The following TENM1 variants were observed in gnomAD, a reference collection of about 807,000 sequenced individuals.
The protein encoded by TENM1 is teneurin-1.
Under a neutral mutation model 174.8 loss-of-function variants are expected in TENM1, and 35 were observed. That is an observed-to-expected ratio of 0.20 (90% CI 0.15 to 0.27). TENM1 has a LOEUF of 0.27. Ranked by LOEUF, TENM1 falls within the 10% of genes least tolerant of loss-of-function variation. TENM1 has a pLI of 1.00. For synonymous variants in TENM1, 781 were observed against 798.7 expected (o/e 0.98, Z 0.37); for missense variants, 1,633 against 2,130.1 (o/e 0.77, Z 4.59).
intron 18 of TENM1, among the ~76,000 whole-genome samples, chrX:124,519,340 A>T (rs778666249): frequency 1.2e-3 from 131 of 111,562 alleles, no homozygotes; most frequent in African/African-American, 4.1e-3. Flanking sequence ...AGTCCAACAC[A>T]AATGAGTTAA....
intron 3 of TENM1, among the ~76,000 whole-genome samples, chrX:124,821,048 T>C (rs2056026409): frequency 8.9e-6 from 1 of 112,497 alleles, no homozygotes; most frequent in South Asian, 3.7e-4. Context: ...AATATGCTCT[T>C]ATTTCCTTCT....
intron 3 of TENM1, among the ~76,000 whole-genome samples, chrX:124,837,479 C>A (rs1434825538): frequency 6.2e-5 from 7 of 112,303 alleles, no homozygotes; most frequent in African/African-American, 1.9e-4. Context: ...CACTTTAAGG[C>A]AATTATGTCT....
rs373300826 is a variant in TENM1 at position 124,699,342 on chromosome X, G to C, written c.1015+5671C>G. The stretch of plus-strand genomic sequence containing the variant: ...CAGTCCCCCTTTATTATGCCTACCA[G>C]TAGATCTTTATCTATTTCACAGAGT... On this transcript the variant is annotated intron_variant, in intron 5 of 31. Transcript: ENST00000422452. Among the ~76,000 whole-genome samples, 122 of 110,685 alleles carry C rather than the reference G, an allele frequency of 1.1e-3. 1 individual carries two copies. Among genetic ancestry groups the C allele is most frequent in the African/African-American group, 3.7e-3 (114 of 30,578 alleles).
At chrX:124,751,597 C>T (rs191694414) in intron 3 of TENM1, among the ~76,000 whole-genome samples, 35 of 106,501 alleles carry the variant, frequency 3.3e-4, no homozygotes, top group African/African-American at 1.2e-3. Flanking sequence ...CCCACTAACT[C>T]GTCATTTAGC....
chrX:124,411,746 A>T (rs1247436219), intron 25 of TENM1: 1 of 112,340 alleles, frequency 8.9e-6, no homozygotes, highest in Non-Finnish European at 1.9e-5. Context: ...CTTTGGAAAG[A>T]TTGCTCAAAG....
At chrX:124,474,800 C>A (rs2061370103) in intron 22 of TENM1, among the ~76,000 whole-genome samples, 1 of 111,740 alleles carries the variant, frequency 8.9e-6, no homozygotes, top group African/African-American at 3.3e-5. Flanking sequence ...ACAGGTTAAC[C>A]TCTAATTCTG....
chrX:125,170,632 G>A, the TENM1 span, among the ~76,000 whole-genome samples: 54,205 of 109,645 alleles, frequency 0.49, 9,826 homozygotes, highest in Admixed American at 0.57. Context: ...GAAAATAATT[G>A]CGCAAGTTCC....
chrX:125,198,113 A>C, the TENM1 span, among the ~76,000 whole-genome samples: 1 of 112,172 alleles, frequency 8.9e-6, no homozygotes, highest in African/African-American at 3.2e-5. Context: ...CTCATTGTTG[A>C]CTACTTATTA....
chrX:124,411,546 C>T (rs1400704819), intron 25 of TENM1, among the ~76,000 whole-genome samples: 1 of 111,720 alleles, frequency 9.0e-6, no homozygotes, highest in Non-Finnish European at 1.9e-5. Context: ...CCAACTCCAA[C>T]ACACTCACAT....
At chrX:125,058,912 A>G in the TENM1 span, among the ~76,000 whole-genome samples, 1 of 110,507 alleles carries the variant, frequency 9.0e-6, no homozygotes, top group Non-Finnish European at 1.9e-5. Flanking sequence ...AAAGTATAAA[A>G]TTCAATGGTT....
In TENM1 at chrX:124,645,134, G is replaced by C; in HGVS notation, c.1876+9C>G. 1 of 1,204,985 alleles carries C rather than the reference G, an allele frequency of 8.3e-7. No homozygotes were observed. The highest frequency in any genetic ancestry group is 1.1e-6 in the Non-Finnish European group (1 of 890,647). On this transcript the variant is annotated intron_variant, in intron 10 of 31. Transcript: ENST00000422452. The stretch of plus-strand genomic sequence containing the variant: ...AGCCTGAAGCAATAGATTAAAATGG[G>C]ATTCTGACCTTCCTCGCATATTTCT...
rs766060180 is a variant in TENM1, at chrX:124,865,515, T to G, written c.535+28781A>C. Among the ~76,000 whole-genome samples, 7 of 111,333 alleles carry G rather than the reference T, an allele frequency of 6.3e-5. No homozygotes were observed. In the South Asian group the frequency reaches 2.2e-3, roughly 36 times the overall value. ...GTAACCTCAAACCAAAAACATACAA[T>G]GAATACACAAAAAATGAAAAGCAAG... On this transcript the variant is annotated intron_variant, in intron 3 of 31. Transcript: ENST00000422452.
intron 25 of TENM1, among the ~76,000 whole-genome samples, chrX:124,417,339 T>C (rs1204888729): frequency 9.0e-6 from 1 of 110,977 alleles, no homozygotes; most frequent in Non-Finnish European, 1.9e-5. Context: ...GCCTCCCAAG[T>C]AGCTCGGATT....
chrX:124,694,529 G>A (rs1298586652), intron 5 of TENM1, among the ~76,000 whole-genome samples: 4 of 111,715 alleles, frequency 3.6e-5, no homozygotes, highest in Non-Finnish European at 5.6e-5. Context: ...ATAAGGGAAT[G>A]GAGAGATTTG....
At chrX:124,962,299 A>G (rs2058665827) in intron 1 of TENM1, among the ~76,000 whole-genome samples, 1 of 111,454 alleles carries the variant, frequency 9.0e-6, no homozygotes, top group African/African-American at 3.3e-5. Context: ...TCAAGCAGTA[A>G]TCTTCAATCT....
chrX:124,879,779 C>A (rs1423568487), intron 3 of TENM1, among the ~76,000 whole-genome samples: 1 of 112,218 alleles, frequency 8.9e-6, no homozygotes. Context: ...TTGTCAGCAT[C>A]TGCTATTTTT....
intron 20 of TENM1, among the ~76,000 whole-genome samples, chrX:124,488,660 A>G (rs1602523934): frequency 1.8e-5 from 2 of 112,282 alleles, no homozygotes; most frequent in East Asian, 5.6e-4. Context: ...CCTTGTCTCT[A>G]GACACTTGCC....
intron 1 of TENM1, among the ~76,000 whole-genome samples, chrX:124,954,147 T>C (rs772320078): frequency 5.3e-5 from 6 of 112,245 alleles, no homozygotes; most frequent in South Asian, 3.7e-4. Flanking sequence ...TTTAAGAATA[T>C]ATATAGCAAA....
rs1303711613 is a variant in TENM1 at position 124,512,122 on chromosome X, T to C, written c.3301+8395A>G. The stretch of plus-strand genomic sequence containing the variant: ...AATAAAGACGAGGCAGAATGCATTA[T>C]TACATATTGATAATGTATGCAGACA... On this transcript the variant is annotated intron_variant, in intron 18 of 31. Coordinates refer to ENST00000422452, the Ensembl canonical transcript of TENM1. 2.7e-5 allele frequency among the ~76,000 whole-genome samples: 3 copies of C among 111,739 alleles called. No individual in the cohort carries two copies. In the East Asian group the frequency reaches 8.4e-4, roughly 31 times the overall value.
Sources: gnomAD v4.1 joint callset for allele counts (sites outside exome capture counted in the v4.1 genomes callset) on GRCh38, gnomAD v4.1.1 for gene constraint, MANE v1.5 for transcripts, NCBI Gene and HGNC (gene_info 2026-07-23, HGNC 2026-07-21) for gene names.